The following MYOF variants were observed in gnomAD, a reference collection of about 807,000 sequenced individuals.
The protein encoded by MYOF is myoferlin, also known as fer-1-like 3, myoferlin.
Under a neutral mutation model 284.2 loss-of-function variants are expected in MYOF, and 244 were observed. The observed-to-expected ratio is 0.86, with a 90% CI of 0.77 to 0.95. The LOEUF (loss-of-function observed/expected upper bound fraction) is 0.95, where lower values mean the gene tolerates loss of function less well. MYOF is among the 40% of genes least tolerant of loss of function. MYOF has a pLI of 0.00. For synonymous variants in MYOF, 904 were observed against 919.7 expected, an observed-to-expected ratio of 0.98 and a Z score of 0.31; for missense variants, 2,496 against 2,560.6, an observed-to-expected ratio of 0.97 and a Z score of 0.54.
At chr10:93,344,011 A>C (rs1589419687) in intron 37 of MYOF, 79 bp from the exon 38 acceptor site, 5 of 1,486,998 alleles carry the variant, frequency 3.4e-6, no homozygotes. Flanking sequence ...TTCAAGTTTA[A>C]CAGCCATAGG....
At chr10:93,433,907 C>A (rs1848983552) in intron 3 of MYOF, among the ~76,000 whole-genome samples, 1 of 152,132 alleles carries the variant, frequency 6.6e-6, no homozygotes, top group South Asian at 2.1e-4. Context: ...TGTAACCCAA[C>A]CACATAGGTC....
chr10:93,307,039 A>C (rs1030915545), intron 53 of MYOF, 38 bp from the exon 54 acceptor site: 1 of 1,550,052 alleles, frequency 6.5e-7, no homozygotes, highest in Non-Finnish European at 8.8e-7. Context: ...AAAAACATGT[A>C]TGTATATATG....
chr10:93,361,567 C>G lies in MYOF; in HGVS notation c.2869-10G>C. 6.2e-7 allele frequency: 1 copy of G among 1,613,788 alleles called. No individual in the cohort carries two copies. Among genetic ancestry groups the G allele is most frequent in the Non-Finnish European group, 8.5e-7 (1 of 1,179,856 alleles). On this transcript the variant is annotated splice_polypyrimidine_tract_variant and intron_variant, in intron 27 of 53. Transcript: ENST00000359263. The stretch of plus-strand genomic sequence containing the variant: ...CTGCTTTATCGCCGTTCTTACAAAA[C>G]AAAAATAAAAACAAAGAAGAGAGGT...
intron 27 of MYOF, among the ~76,000 whole-genome samples, 172 bp from the exon 28 acceptor site, chr10:93,361,729 G>T (rs1845083819): frequency 6.6e-6 from 1 of 152,004 alleles, no homozygotes; most frequent in African/African-American, 2.4e-5. Flanking sequence ...ATTCACAACT[G>T]CTAAATAAAA....
chr10:93,430,307 C>T (rs917670741), intron 4 of MYOF, among the ~76,000 whole-genome samples: 11 of 149,598 alleles, frequency 7.4e-5, no homozygotes, highest in African/African-American at 2.4e-4. Context: ...TGAGGCCAGG[C>T]GTGGTGGCTC....
At chr10:93,311,431 G>A (rs1010521551) in intron 51 of MYOF, among the ~76,000 whole-genome samples, 17 of 134,114 alleles carry the variant, frequency 1.3e-4, no homozygotes, top group African/African-American at 2.6e-4. Flanking sequence ...CCAACATGGC[G>A]AAACCCCATC....
At chr10:93,378,707 A>G (rs1044795421) in intron 21 of MYOF, among the ~76,000 whole-genome samples, 6 of 133,430 alleles carry the variant, frequency 4.5e-5, no homozygotes, top group East Asian at 2.5e-4. Flanking sequence ...ATATATATAT[A>G]TATATATATG....
chr10:93,325,986 G>GAAGC (rs770304384), intron 45 of MYOF, 21 bp from the exon 46 acceptor site: 1 of 1,613,900 alleles, frequency 6.2e-7, no homozygotes, highest in South Asian at 1.1e-5. Flanking sequence ...AAGCAGCATT[G>GAAGC]AAGCAGGAAT....
At position 93,374,951 on chromosome 10, in the gene MYOF, T is replaced by C. The variant is rs756082794; in HGVS notation, c.2113A>G (p.Thr705Ala). ...GCTTTTCCTTCTGTGAGAGGCAACG[T>C]GTATCTAGAAAAATGAAGAAAAAAA... is the stretch of plus-strand genomic sequence containing the variant. ...IDEVIEDTRY[T>A]LPLTEGKANV... The change falls in exon 23 of 54, where the codon ACG becomes GCG. Residue 705 changes from threonine to alanine, a missense_variant. Physicochemically the swap from Thr to Ala is moderately conservative, Grantham distance 58 (BLOSUM62 0). Coordinates refer to ENST00000359263, the MANE Select transcript of MYOF (RefSeq NM_013451.4). The C allele has an allele frequency of 6.2e-7, 1 of 1,608,634 alleles. No homozygotes were observed.
At chr10:93,380,869 A>G (rs1206371526) in intron 20 of MYOF, among the ~76,000 whole-genome samples, 1 of 152,188 alleles carries the variant, frequency 6.6e-6, no homozygotes, top group Non-Finnish European at 1.5e-5. Flanking sequence ...TCCACTACTC[A>G]GCCTAAGAAA....
chr10:93,400,219 C>T (rs1847207377), intron 12 of MYOF, among the ~76,000 whole-genome samples: 2 of 151,736 alleles, frequency 1.3e-5, no homozygotes, highest in African/African-American at 4.8e-5. Flanking sequence ...TTGACATAAT[C>T]ACAAATAATA....
Position 93,347,608 on chromosome 10 carries a change from G to T in MYOF, c.4249+9C>A. On this transcript the variant is annotated intron_variant, in intron 37 of 53. Coordinates refer to ENST00000359263, the MANE Select transcript of MYOF (RefSeq NM_013451.4). ...AGCCCCCAGACTTATGCACAGCCTT[G>T]CATGTTACCTTTGAGCTGTGGGACG... 4.4e-6 allele frequency: 7 copies of T among 1,600,122 alleles called. No individual in the cohort carries two copies. Among genetic ancestry groups the T allele is most frequent in the Non-Finnish European group, 6.0e-6 (7 of 1,171,818 alleles).
intron 19 of MYOF, among the ~76,000 whole-genome samples, chr10:93,386,763 G>A (rs902949112): frequency 7.2e-5 from 11 of 152,216 alleles, no homozygotes; most frequent in African/African-American, 2.7e-4. Context: ...AGAAGGGATA[G>A]TTTCTGTTAA....
chr10:93,368,579 G>A (rs1845430699), intron 25 of MYOF, among the ~76,000 whole-genome samples: 1 of 152,246 alleles, frequency 6.6e-6, no homozygotes, highest in Non-Finnish European at 1.5e-5. Flanking sequence ...CAGATGGAGG[G>A]ATGGAGGAAT....
intron 3 of MYOF, among the ~76,000 whole-genome samples, chr10:93,436,546 A>G (rs756609791): frequency 4.6e-5 from 7 of 152,188 alleles, no homozygotes; most frequent in Non-Finnish European, 1.0e-4. Flanking sequence ...TTTAATCCCA[A>G]AAACATTTTT....
chr10:93,415,405 AC>A (rs1338102527), intron 5 of MYOF, among the ~76,000 whole-genome samples: 1 of 152,146 alleles, frequency 6.6e-6, no homozygotes, highest in Non-Finnish European at 1.5e-5. Flanking sequence ...TGGCCATCTT[AC>A]CACATTTCCA....
chr10:93,377,523 T>G (rs1376383091), intron 21 of MYOF, 94 bp from the exon 22 acceptor site: 3 of 901,388 alleles, frequency 3.3e-6, no homozygotes, highest in African/African-American at 3.4e-5. Flanking sequence ...CATGTAAATA[T>G]TTTTGTATAT....
In MYOF at chr10:93,396,229, G is replaced by A; in HGVS notation, c.1335-5C>T. 1.9e-6 allele frequency: 3 copies of A among 1,569,096 alleles called. No homozygotes were observed. The highest frequency in any genetic ancestry group is 2.6e-6 in the Non-Finnish European group (3 of 1,156,994). On this transcript the variant is annotated splice_region_variant and splice_polypyrimidine_tract_variant and intron_variant, in intron 15 of 53. Transcript: ENST00000359263. The stretch of plus-strand genomic sequence containing the variant: ...TCATTTTTAGTAAGACGGTCCCTGT[G>A]TAAAAAATAAAAATAAAAAAATAAA...
chr10:93,350,051 AC>A (rs1232460874), intron 35 of MYOF, 82 bp from the exon 36 acceptor site: 2 of 1,335,270 alleles, frequency 1.5e-6, no homozygotes, highest in Admixed American at 2.2e-5. Flanking sequence ...TGTCTTAATT[AC>A]TGGCAAAGTC....
Sources: gnomAD v4.1 joint callset for allele counts (sites outside exome capture counted in the v4.1 genomes callset) on GRCh38, gnomAD v4.1.1 for gene constraint, MANE v1.5 for transcripts, NCBI Gene and HGNC (gene_info 2026-07-23, HGNC 2026-07-21) for gene names.